The following RANBP2 variants were observed in gnomAD, a reference collection of about 807,000 sequenced individuals.
RANBP2 encodes RAN binding protein 2.
A neutral mutation model predicts 303.6 loss-of-function variants in RANBP2; 57 were observed. The observed-to-expected ratio is 0.19, with a 90% CI of 0.15 to 0.23. The LOEUF (loss-of-function observed/expected upper bound fraction) is 0.23, where lower values mean the gene tolerates loss of function less well. RANBP2 is among the 10% of genes least tolerant of loss of function. The pLI, the probability that RANBP2 is intolerant of heterozygous loss-of-function variation, is 1.00. For missense variants in RANBP2, 3,138 were observed against 3,780.8 expected, an observed-to-expected ratio of 0.83 and a Z score of 4.46; for synonymous variants, 1,167 against 1,301.5, an observed-to-expected ratio of 0.90 and a Z score of 2.23.
chr2:108,783,014 C>A, intron 28 of RANBP2, 152 bp downstream of exon 28: 1 of 716,234 alleles, frequency 1.4e-6, no homozygotes, highest in Non-Finnish European at 2.3e-6. Flanking sequence ...CATCACTACC[C>A]ATTCCCTGCT....
intron 23 of RANBP2, among the ~76,000 whole-genome samples, chr2:108,774,543 G>GT (rs1677738526): frequency 3.3e-5 from 5 of 152,180 alleles, no homozygotes; most frequent in African/African-American, 1.2e-4. Flanking sequence ...TTTTCTGGAA[G>GT]AGACTTGGTT....
the RANBP2 span, among the ~76,000 whole-genome samples, chr2:109,118,332 G>A: frequency 2.6e-5 from 4 of 151,900 alleles, no homozygotes; most frequent in African/African-American, 7.2e-5. Flanking sequence ...GAACAGGCAC[G>A]ACAACACAGC....
the RANBP2 span, among the ~76,000 whole-genome samples, chr2:109,424,935 T>C: frequency 1.3e-5 from 2 of 152,214 alleles, no homozygotes; most frequent in African/African-American, 4.8e-5. Flanking sequence ...GGAAGTCATG[T>C]CAAAAGCTGA....
At chr2:109,485,506 C>T in the RANBP2 span, among the ~76,000 whole-genome samples, 2 of 152,166 alleles carry the variant, frequency 1.3e-5, no homozygotes, top group Non-Finnish European at 1.5e-5. Flanking sequence ...TACTAATGTT[C>T]TACTAAACAG....
At chr2:109,663,902 G>C in the RANBP2 span, among the ~76,000 whole-genome samples, 1 of 152,206 alleles carries the variant, frequency 6.6e-6, no homozygotes, top group African/African-American at 2.4e-5. Flanking sequence ...AAGCTCTAAT[G>C]AGACCAGTGC....
At chr2:108,920,296 C>T in the RANBP2 span, among the ~76,000 whole-genome samples, 1 of 152,226 alleles carries the variant, frequency 6.6e-6, no homozygotes, top group East Asian at 1.9e-4. Context: ...CAGATGAGGA[C>T]ACTTTCCCAG....
the RANBP2 span, among the ~76,000 whole-genome samples, chr2:108,852,349 C>T: frequency 6.6e-6 from 1 of 152,142 alleles, no homozygotes; most frequent in African/African-American, 2.4e-5. Context: ...TGTGGCATTT[C>T]CTCAAAGACC....
At chr2:108,967,083 C>T in the RANBP2 span, among the ~76,000 whole-genome samples, 2 of 152,108 alleles carry the variant, frequency 1.3e-5, no homozygotes, top group Admixed American at 6.5e-5. Context: ...TACAGGCACC[C>T]GCTACCATGC....
chr2:108,844,294 T>C, the RANBP2 span, among the ~76,000 whole-genome samples: 3 of 152,146 alleles, frequency 2.0e-5, no homozygotes, highest in Non-Finnish European at 4.4e-5. Context: ...GTTGTTCAGG[T>C]TGGGTGTTTT....
At chr2:109,242,996 T>C in the RANBP2 span, among the ~76,000 whole-genome samples, 1 of 152,254 alleles carries the variant, frequency 6.6e-6, no homozygotes, top group Non-Finnish European at 1.5e-5. Context: ...GGTTCTGTTA[T>C]TCTGAGTGTT....
the RANBP2 span, among the ~76,000 whole-genome samples, chr2:109,094,155 T>C: frequency 6.6e-6 from 1 of 152,122 alleles, no homozygotes; most frequent in Non-Finnish European, 1.5e-5. Context: ...CTTGGCCACC[T>C]AGAAAATATG....
the RANBP2 span, among the ~76,000 whole-genome samples, chr2:109,173,810 C>T: frequency 2.6e-5 from 4 of 152,196 alleles, no homozygotes; most frequent in Admixed American, 2.6e-4. Context: ...CAAAGGCATG[C>T]GATGGGGCTG....
chr2:109,019,335 G>C, the RANBP2 span, among the ~76,000 whole-genome samples: 3 of 152,206 alleles, frequency 2.0e-5, no homozygotes, highest in African/African-American at 7.2e-5. Context: ...GAGCTCCAGG[G>C]ACTCACCAAG....
the RANBP2 span, among the ~76,000 whole-genome samples, chr2:109,203,373 C>T: frequency 3.3e-5 from 5 of 152,312 alleles, no homozygotes; most frequent in South Asian, 6.2e-4. Flanking sequence ...TGTTGTGAGA[C>T]GGATGGCCTT....
the RANBP2 span, among the ~76,000 whole-genome samples, chr2:109,651,809 C>T: frequency 3.2e-4 from 48 of 152,244 alleles, no homozygotes; most frequent in African/African-American, 1.1e-3. Context: ...CGGCATCCAC[C>T]GCAGAGGCTT....
At chr2:109,321,592 A>G in the RANBP2 span, among the ~76,000 whole-genome samples, 6 of 152,392 alleles carry the variant, frequency 3.9e-5, no homozygotes, top group East Asian at 1.9e-4. Context: ...GAGACAATCA[A>G]TAGAGGATTA....
chr2:109,541,968 T>C, the RANBP2 span, among the ~76,000 whole-genome samples: 8 of 152,250 alleles, frequency 5.3e-5, no homozygotes, highest in African/African-American at 1.7e-4. Flanking sequence ...ATCCCTGTAA[T>C]GCTTTTTCCT....
the RANBP2 span, among the ~76,000 whole-genome samples, chr2:109,737,731 A>G: frequency 6.6e-6 from 1 of 152,128 alleles, no homozygotes; most frequent in East Asian, 1.9e-4. Flanking sequence ...CATCCTCTCC[A>G]GTATTTGTTA....
chr2:109,691,443 T>A, the RANBP2 span, among the ~76,000 whole-genome samples: 2 of 152,100 alleles, frequency 1.3e-5, no homozygotes, highest in Non-Finnish European at 2.9e-5. Flanking sequence ...CTCAGGCCTG[T>A]TTCTAGGGCT....
Sources: allele counts gnomAD v4.1 joint callset (sites outside exome capture counted in the v4.1 genomes callset), GRCh38; gene constraint gnomAD v4.1.1; transcripts MANE v1.5; gene names NCBI Gene and HGNC (gene_info 2026-07-23, HGNC 2026-07-21).